Variants in RPS6KA2 observed in about 807,000 individuals in gnomAD.
RPS6KA2 encodes ribosomal protein S6 kinase A2.
Under a neutral mutation model 91.8 loss-of-function variants are expected in RPS6KA2, and 42 were observed. The observed-to-expected ratio is 0.46, with a 90% CI of 0.36 to 0.59. The LOEUF (loss-of-function observed/expected upper bound fraction) is 0.59. Ranked by LOEUF, RPS6KA2 falls within the 20% of genes least tolerant of loss-of-function variation. The pLI is 0.00. For synonymous variants in RPS6KA2, 414 were observed against 393.6 expected, an observed-to-expected ratio of 1.05 and a Z score of -0.61; for missense variants, 798 against 978.5, an observed-to-expected ratio of 0.82 and a Z score of 2.46.
chr6:166,579,203 G>A (rs1164795562), intron 1 of RPS6KA2, among the ~76,000 whole-genome samples: 1 of 152,160 alleles, frequency 6.6e-6, no homozygotes, highest in African/African-American at 2.4e-5. Flanking sequence ...ATCTATAGTT[G>A]TATTCTATTT....
At chr6:166,638,293 C>T (rs755420093) in intron 2 of RPS6KA2, among the ~76,000 whole-genome samples, 1 of 152,194 alleles carries the variant, frequency 6.6e-6, no homozygotes, top group Non-Finnish European at 1.5e-5. Context: ...GCCAGCCAGC[C>T]GCAGACTCGG....
At chr6:166,773,725 G>A (rs892373408) in intron 2 of RPS6KA2, among the ~76,000 whole-genome samples, 5 of 152,056 alleles carry the variant, frequency 3.3e-5, no homozygotes, top group Non-Finnish European at 5.9e-5. Flanking sequence ...CCCCTTCCTC[G>A]TCTGTCCATC....
intron 1 of RPS6KA2, among the ~76,000 whole-genome samples, chr6:166,622,571 C>T (rs1786683701): frequency 6.6e-6 from 1 of 152,072 alleles, no homozygotes; most frequent in Non-Finnish European, 1.5e-5. Context: ...CCTATCATGC[C>T]CCAAGAATAA....
At chr6:166,815,404 T>C (rs953012930) in intron 2 of RPS6KA2, among the ~76,000 whole-genome samples, 16 of 152,354 alleles carry the variant, frequency 1.1e-4, no homozygotes, top group Admixed American at 8.5e-4. Flanking sequence ...AATATTTTTT[T>C]CATCAAACTG....
At chr6:166,526,117 A>C (rs1783019190) in intron 3 of RPS6KA2, among the ~76,000 whole-genome samples, 1 of 152,044 alleles carries the variant, frequency 6.6e-6, no homozygotes, top group African/African-American at 2.4e-5. Context: ...CAGGGACCTA[A>C]CCTACTTCGA....
intron 13 of RPS6KA2, among the ~76,000 whole-genome samples, chr6:166,450,248 C>T (rs113120450): frequency 9.5e-5 from 14 of 146,888 alleles, no homozygotes; most frequent in African/African-American, 3.5e-4. Flanking sequence ...GGAACCACCA[C>T]AGGGACCACC....
chr6:166,562,988 G>A (rs1784387441), intron 1 of RPS6KA2, among the ~76,000 whole-genome samples: 1 of 152,224 alleles, frequency 6.6e-6, no homozygotes, highest in Non-Finnish European at 1.5e-5. Context: ...AGGCGGCCGA[G>A]CCAGACCGAG....
intron 8 of RPS6KA2, among the ~76,000 whole-genome samples, chr6:166,497,649 G>A (rs1041856491): frequency 2.6e-5 from 4 of 152,206 alleles, no homozygotes; most frequent in African/African-American, 7.2e-5. Context: ...TTCTCCAGGC[G>A]ACACCGCAGG....
Position 166,448,832 on chromosome 6 carries a change from G to A in RPS6KA2, c.1224C>T (p.Asn408=). The A allele has an allele frequency of 6.2e-7, 1 of 1,613,876 alleles. No homozygotes were observed. Among genetic ancestry groups the A allele is most frequent in the South Asian group, 1.1e-5 (1 of 91,078 alleles). The change falls in exon 14 of 21, where the codon AAC becomes AAT. Residue 408 remains asparagine (N), a synonymous_variant. Coordinates refer to ENST00000265678, the MANE Select transcript of RPS6KA2 (RefSeq NM_021135.6). The surrounding 1 kb of genome is among the most constrained non-coding windows in gnomAD (Gnocchi z 4.7). ...TCTCGTAGCCATCGGTGAAGTGGAT[G>A]TTGTTCCCGTGTAACTGCTGCAGAG... ...HPIVQQLHGN[N]IHFTDGYEIK...
intron 10 of RPS6KA2, among the ~76,000 whole-genome samples, chr6:166,484,105 T>G (rs1390318621): frequency 6.6e-6 from 1 of 152,138 alleles, no homozygotes; most frequent in Non-Finnish European, 1.5e-5. Context: ...GCTTTACCAC[T>G]TGACAGGGAA....
chr6:166,714,805 A>C (rs993492679), intron 2 of RPS6KA2, among the ~76,000 whole-genome samples: 3 of 152,230 alleles, frequency 2.0e-5, no homozygotes, highest in Non-Finnish European at 4.4e-5. Context: ...TTGGCCACAC[A>C]GTTTGTGGAA....
chr6:166,412,644 CG>C lies in RPS6KA2; in HGVS notation c.*117del. The stretch of plus-strand genomic sequence containing the variant: ...AAAGAAAACACGGACACGGCGAGGG[CG>C]GGCGCCGCCTCCCTGCTGGACTTGT... On this transcript the variant is annotated 3_prime_UTR_variant, in exon 21 of 21. Transcript: ENST00000265678. The surrounding 1 kb of genome is among the most constrained non-coding windows in gnomAD (Gnocchi z 4.3). The C allele has an allele frequency of 9.7e-7, 1 of 1,035,600 alleles. No individual in the cohort carries two copies. Among genetic ancestry groups the C allele is most frequent in the South Asian group, 1.7e-5 (1 of 58,216 alleles). 64.2% of individuals were successfully genotyped at this position (1,035,600 alleles called of 1,614,324 possible).
At chr6:166,786,710 T>A (rs906428635) in intron 2 of RPS6KA2, among the ~76,000 whole-genome samples, 1 of 152,176 alleles carries the variant, frequency 6.6e-6, no homozygotes, top group African/African-American at 2.4e-5. Flanking sequence ...CTTAAAAAAA[T>A]CATCATAGCA....
chr6:166,626,278 G>A lies in RPS6KA2; in HGVS notation c.99+643C>T, dbSNP rs12196315. On this transcript the variant is annotated intron_variant, in intron 1 of 20. Transcript: ENST00000265678. The surrounding 1 kb of genome is among the most constrained non-coding windows in gnomAD (Gnocchi z 4.1). ...ATGCGGGACAGGTAGAAAGGACAGG[G>A]CTTTGGGAGTACTCTGGGTTTTCAG... 0.14 allele frequency among the ~76,000 whole-genome samples: 21,185 copies of A among 152,248 alleles called. 1,546 individuals are homozygous for A. The highest frequency in any genetic ancestry group is 0.17 in the Non-Finnish European group (11,522 of 68,016).
At chr6:166,728,609 A>G (rs1790418756) in intron 2 of RPS6KA2, among the ~76,000 whole-genome samples, 1 of 152,212 alleles carries the variant, frequency 6.6e-6, no homozygotes, top group Non-Finnish European at 1.5e-5. Flanking sequence ...TCCAGCACAC[A>G]ATCCAGACAA....
intron 2 of RPS6KA2, among the ~76,000 whole-genome samples, chr6:166,772,066 A>G (rs1778487942): frequency 6.6e-6 from 1 of 152,106 alleles, no homozygotes; most frequent in South Asian, 2.1e-4. Flanking sequence ...GCAAGAATAC[A>G]GTTGCTAATG....
intron 2 of RPS6KA2, among the ~76,000 whole-genome samples, chr6:166,740,191 G>A (rs1003838394): frequency 2.6e-5 from 4 of 152,208 alleles, no homozygotes; most frequent in Non-Finnish European, 4.4e-5. Flanking sequence ...CACCTACCTT[G>A]TGGTAGCTTC....
intron 11 of RPS6KA2, among the ~76,000 whole-genome samples, chr6:166,461,088 C>CG (rs1780270163): frequency 6.6e-6 from 1 of 152,038 alleles, no homozygotes; most frequent in Admixed American, 6.5e-5. Flanking sequence ...CGAGCTCCCC[C>CG]GGGGGCTTAT....
intron 1 of RPS6KA2, among the ~76,000 whole-genome samples, chr6:166,573,879 A>C (rs1282390932): frequency 6.6e-6 from 1 of 152,252 alleles, no homozygotes; most frequent in Non-Finnish European, 1.5e-5. Context: ...GAGAAGAAAG[A>C]GCTCCTCACG....
Sources: gnomAD v4.1 joint callset for allele counts (sites outside exome capture counted in the v4.1 genomes callset) on GRCh38, gnomAD v4.1.1 for gene constraint, Gnocchi (gnomAD v3.1) non-coding constraint, MANE v1.5 for transcripts, NCBI Gene and HGNC (gene_info 2026-07-23, HGNC 2026-07-21) for gene names.